Variants in RABGAP1 observed in about 807,000 individuals in gnomAD.
The protein encoded by RABGAP1 is RAB GTPase activating protein 1, also known as rab GTPase-activating protein 1.
RABGAP1 carries 23 observed loss-of-function variants against 137.6 expected under a neutral mutation model. The observed-to-expected ratio is 0.17, with a 90% CI of 0.12 to 0.24. The LOEUF is 0.24. Ranked by LOEUF, RABGAP1 falls within the 10% of genes least tolerant of loss-of-function variation. RABGAP1 has a pLI of 1.00. For missense variants in RABGAP1, 906 were observed against 1,275.8 expected (o/e 0.71, Z 4.42); for synonymous variants, 451 against 450.7 (o/e 1.00, Z -0.01).
chr9:123,001,829 G>A (rs667057), intron 10 of RABGAP1, among the ~76,000 whole-genome samples: 114,849 of 152,082 alleles, frequency 0.76, 45,335 homozygotes, highest in Middle Eastern at 0.89. Flanking sequence ...TTCTCCCTAC[G>A]TATTTGCTGT....
At chr9:123,009,032 A>G (rs1588262277) in intron 10 of RABGAP1, among the ~76,000 whole-genome samples, 1 of 152,176 alleles carries the variant, frequency 6.6e-6, no homozygotes. Flanking sequence ...AAATTAAGTA[A>G]TCCTTGGGTG....
intron 13 of RABGAP1, among the ~76,000 whole-genome samples, chr9:123,036,657 C>T (rs1045593186): frequency 6.6e-6 from 1 of 152,050 alleles, no homozygotes; most frequent in African/African-American, 2.4e-5. Context: ...GAGACATTTT[C>T]TTTGTGGTTA....
At chr9:123,023,220 A>G (rs912679434) in intron 13 of RABGAP1, among the ~76,000 whole-genome samples, 1 of 152,006 alleles carries the variant, frequency 6.6e-6, no homozygotes, top group Non-Finnish European at 1.5e-5. Flanking sequence ...TTGCCCTGTC[A>G]CCGAGGCTGG....
At position 123,072,606 on chromosome 9, in the gene RABGAP1, C is replaced by T. The variant is rs536187877; in HGVS notation, c.1984-946C>T. 1.2e-4 allele frequency among the ~76,000 whole-genome samples: 19 copies of T among 152,296 alleles called. No individual in the cohort carries two copies. The South Asian group carries it at 3.5e-3, about 28-fold the overall frequency. On this transcript the variant is annotated intron_variant, in intron 15 of 25. Transcript: ENST00000373647. ...TCAGAATCACCACTGTGGGTTAGGCCACATCTCCTTGCATGTGGCAAAGTG... is the reference window on the plus strand; with the variant it reads ...TCAGAATCACCACTGTGGGTTAGGCTACATCTCCTTGCATGTGGCAAAGTG...
chr9:122,998,504 T>G, intron 9 of RABGAP1, 93 bp from the exon 10 acceptor site: 3 of 1,104,988 alleles, frequency 2.7e-6, no homozygotes, highest in Non-Finnish European at 3.8e-6. Flanking sequence ...TTTTGAAAGT[T>G]TATAATAAAA....
At chr9:122,995,128 A>G (rs1386951274) in intron 6 of RABGAP1, among the ~76,000 whole-genome samples, 1 of 152,184 alleles carries the variant, frequency 6.6e-6, no homozygotes, top group Admixed American at 6.5e-5. Flanking sequence ...CAAAAAAAGA[A>G]AAAGAATATT....
At chr9:123,058,867 G>A (rs1187052958) in intron 13 of RABGAP1, among the ~76,000 whole-genome samples, 1 of 152,110 alleles carries the variant, frequency 6.6e-6, no homozygotes, top group Non-Finnish European at 1.5e-5. Context: ...TATATGTCTG[G>A]GTTTAAAGGC....
intron 2 of RABGAP1, among the ~76,000 whole-genome samples, chr9:122,959,279 A>G (rs1437871454): frequency 6.6e-6 from 1 of 151,130 alleles, no homozygotes; most frequent in African/African-American, 2.4e-5. Context: ...ACAAAGTAAA[A>G]AGCAGTAAAG....
chr9:123,010,800 C>T (rs576588783), intron 11 of RABGAP1, among the ~76,000 whole-genome samples: 23 of 152,196 alleles, frequency 1.5e-4, no homozygotes, highest in Admixed American at 1.2e-3. Flanking sequence ...TATATTAGCA[C>T]ATTTTTTTTT....
chr9:123,007,881 A>G (rs1425295655), intron 10 of RABGAP1, among the ~76,000 whole-genome samples: 1 of 149,108 alleles, frequency 6.7e-6, no homozygotes, highest in African/African-American at 2.4e-5. Flanking sequence ...TAAATATAAT[A>G]TATCTAATTT....
intron 13 of RABGAP1, among the ~76,000 whole-genome samples, chr9:123,043,716 T>C (rs1206510788): frequency 6.6e-6 from 1 of 151,754 alleles, no homozygotes; most frequent in African/African-American, 2.4e-5. Flanking sequence ...ATGTCTAAAG[T>C]GGAAAAACCC....
chr9:123,087,826 C>T (rs1366895241), intron 19 of RABGAP1, among the ~76,000 whole-genome samples: 1 of 152,130 alleles, frequency 6.6e-6, no homozygotes, highest in African/African-American at 2.4e-5. Flanking sequence ...CCACTGAGAG[C>T]GTCTGGAGAC....
intron 13 of RABGAP1, among the ~76,000 whole-genome samples, chr9:123,058,644 AGTATTT>A (rs1180009612): frequency 1.3e-5 from 2 of 152,156 alleles, no homozygotes; most frequent in African/African-American, 4.8e-5. Flanking sequence ...GTTAATTCTC[AGTATTT>A]GTTTAGTGAA....
chr9:123,100,289 T>G (rs2035301804), intron 24 of RABGAP1, among the ~76,000 whole-genome samples: 1 of 152,110 alleles, frequency 6.6e-6, no homozygotes, highest in African/African-American at 2.4e-5. Context: ...GACAGGAACT[T>G]GGGAAAGTTC....
chr9:123,013,817 CTGT>C (rs1205232745), intron 11 of RABGAP1, among the ~76,000 whole-genome samples: 7 of 152,182 alleles, frequency 4.6e-5, no homozygotes, highest in Non-Finnish European at 8.8e-5. Flanking sequence ...ATTGCTGTCT[CTGT>C]TGGAGATGCA....
chr9:123,034,146 A>G (rs2032471107), intron 13 of RABGAP1: 1 of 180,794 alleles, frequency 5.5e-6, no homozygotes, highest in Admixed American at 5.8e-5. Flanking sequence ...GAAATGTAAA[A>G]TGCTCTCTCC....
intron 2 of RABGAP1, among the ~76,000 whole-genome samples, chr9:122,970,506 T>G (rs910472503): frequency 2.0e-5 from 3 of 152,220 alleles, no homozygotes; most frequent in African/African-American, 7.2e-5. Flanking sequence ...ACAGGTTTGT[T>G]ACAAATGTAT....
chr9:123,102,345 C>T (rs1233418707), intron 25 of RABGAP1, among the ~76,000 whole-genome samples: 1 of 152,196 alleles, frequency 6.6e-6, no homozygotes, highest in East Asian at 1.9e-4. Context: ...ACCAGCACCA[C>T]TAAACCCTAA....
rs12350874 is a variant in RABGAP1 at position 123,077,444 on chromosome 9, G to A, written c.2424+682G>A. ...TGGAATTACAGGAGTGAGCCACCACGCCTGGCCTTAACTTTCAACATTTGT... is the reference window on the plus strand; with the variant it reads ...TGGAATTACAGGAGTGAGCCACCACACCTGGCCTTAACTTTCAACATTTGT... On this transcript the variant is annotated intron_variant, in intron 19 of 25. Coordinates refer to ENST00000373647, the MANE Select transcript of RABGAP1 (RefSeq NM_012197.4). Among the ~76,000 whole-genome samples the A allele has an allele frequency of 2.9e-4, 44 of 152,106 alleles. No homozygotes were observed. The East Asian group carries it at 6.9e-3, about 24-fold the overall frequency.
Sources: gnomAD v4.1 joint callset for allele counts (sites outside exome capture counted in the v4.1 genomes callset) on GRCh38, gnomAD v4.1.1 for gene constraint, MANE v1.5 for transcripts, NCBI Gene and HGNC (gene_info 2026-07-23, HGNC 2026-07-21) for gene names.